The following AP3M2 variants were observed in gnomAD, a reference collection of about 807,000 sequenced individuals.
The protein encoded by AP3M2 is adaptor related protein complex 3 subunit mu 2.
Under a neutral mutation model 41.6 loss-of-function variants are expected in AP3M2, and 28 were observed. That is an observed-to-expected ratio of 0.67 (90% CI 0.50 to 0.92). AP3M2 has a LOEUF of 0.92. Ranked by LOEUF, AP3M2 falls within the 40% of genes least tolerant of loss-of-function variation. The probability of loss-of-function intolerance (pLI) is 0.00; values close to 1 mark genes in which losing one functional copy is unlikely to be tolerated. For missense variants in AP3M2, 427 were observed against 521.4 expected, an observed-to-expected ratio of 0.82 and a Z score of 1.76; for synonymous variants, 193 against 186.4, an observed-to-expected ratio of 1.04 and a Z score of -0.29.
At chr8:42,165,603 A>G in intron 6 of AP3M2, 43 bp downstream of exon 6, 4 of 1,605,064 alleles carry the variant, frequency 2.5e-6, no homozygotes, top group Non-Finnish European at 3.4e-6. Context: ...GTGTATGTAC[A>G]TGTATGTGGA....
Position 42,167,281 on chromosome 8 carries a change from AG to A in AP3M2, c.922del (p.Val308Ter). ...AGACGATGGGGAAGACCATTGAGGG[AG>A]TGACTGTCACCAGCCAGATGCCCAA... is the stretch of plus-strand genomic sequence containing the variant. Reference protein sequence around the residue: ...KQTMGKTIEGVTVTSQMPKGV... With the variant: ...KQTMGKTIEGXTVTSQMPKGV... On this transcript the variant is annotated frameshift_variant, in exon 7 of 9. Coordinates refer to ENST00000396926, the MANE Select transcript of AP3M2 (RefSeq NM_006803.4). LOFTEE classifies it high-confidence loss of function. 6.2e-7 allele frequency: 1 copy of A among 1,614,128 alleles called. No homozygotes were observed. The highest frequency in any genetic ancestry group is 8.5e-7 in the Non-Finnish European group (1 of 1,180,024).
chr8:42,156,937 C>G (rs1269121148), intron 2 of AP3M2, among the ~76,000 whole-genome samples: 1 of 152,098 alleles, frequency 6.6e-6, no homozygotes, highest in African/African-American at 2.4e-5. Context: ...CAAAACAGAG[C>G]TAGGAGGCAA....
chr8:42,163,704 A>G (rs970019175), intron 4 of AP3M2, among the ~76,000 whole-genome samples: 1 of 152,242 alleles, frequency 6.6e-6, no homozygotes, highest in South Asian at 2.1e-4. Flanking sequence ...GTCTAAGGTA[A>G]TAGAAGTCAG....
intron 2 of AP3M2, among the ~76,000 whole-genome samples, chr8:42,157,703 G>A (rs1327109879): frequency 6.6e-6 from 1 of 152,142 alleles, no homozygotes; most frequent in Non-Finnish European, 1.5e-5. Flanking sequence ...AAAGATTTAA[G>A]TTCCTCTTGT....
At position 42,169,864 on chromosome 8, in the gene AP3M2, G is replaced by A. The variant is rs535799605; in HGVS notation, c.*803G>A. ...CTTCTTCCCATGGTGGCTGCCTAAA[G>A]TGCTTCTTTTCTAACCCAAAACAGT... is the stretch of plus-strand genomic sequence containing the variant. On this transcript the variant is annotated 3_prime_UTR_variant, in exon 9 of 9. Transcript: ENST00000396926. 1.3e-4 allele frequency: 20 copies of A among 152,218 alleles called. No individual in the cohort carries two copies. The highest frequency in any genetic ancestry group is 2.6e-4 in the Non-Finnish European group (18 of 68,056). 9.4% of individuals were successfully genotyped at this position (152,218 alleles called of 1,614,324 possible). A position where few individuals can be genotyped will look rare whatever the true frequency, so the allele number is the denominator to read the frequency against.
chr8:42,165,311 T>C, intron 5 of AP3M2, 116 bp from the exon 6 acceptor site: 1 of 1,434,152 alleles, frequency 7.0e-7, no homozygotes, highest in South Asian at 1.3e-5. Context: ...ACTACATGAT[T>C]TCTGTGTGTG....
intron 8 of AP3M2, chr8:42,168,264 G>A (rs973599166): frequency 2.2e-6 from 1 of 456,424 alleles, no homozygotes; most frequent in African/African-American, 2.0e-5. Context: ...GTTCACTATA[G>A]TCTGTGCCGA....
intron 2 of AP3M2, chr8:42,155,849 T>C: frequency 2.7e-6 from 1 of 377,002 alleles, no homozygotes; most frequent in South Asian, 2.0e-5. Flanking sequence ...ACCCACACAC[T>C]ATGATAAAAG....
At chr8:42,166,086 G>A (rs1367276891) in intron 6 of AP3M2, among the ~76,000 whole-genome samples, 4 of 152,272 alleles carry the variant, frequency 2.6e-5, no homozygotes, top group South Asian at 2.1e-4. Context: ...GTCCCTTCCC[G>A]TGTGATGTGG....
intron 4 of AP3M2, 144 bp downstream of exon 4, chr8:42,162,562 A>G (rs968923023): frequency 5.6e-6 from 5 of 887,586 alleles, no homozygotes; most frequent in East Asian, 2.6e-5. Flanking sequence ...TGTGCTGGGT[A>G]CTGGGAATGG....
chr8:42,157,586 T>C (rs947241876), intron 2 of AP3M2, among the ~76,000 whole-genome samples: 1 of 152,134 alleles, frequency 6.6e-6, no homozygotes, highest in Non-Finnish European at 1.5e-5. Flanking sequence ...TTCTTTGTTA[T>C]ATCAAGTATT....
In AP3M2 at chr8:42,169,282, C is replaced by T. The variant is rs975365993; in HGVS notation, c.*221C>T. 3.9e-5 allele frequency: 16 copies of T among 415,330 alleles called. No homozygotes were observed. Among genetic ancestry groups the T allele is most frequent in the Non-Finnish European group, 5.5e-5 (13 of 235,794 alleles). 25.7% of individuals were successfully genotyped at this position (415,330 alleles called of 1,614,324 possible). On this transcript the variant is annotated 3_prime_UTR_variant, in exon 9 of 9. Transcript: ENST00000396926. ...ACACAGCAACACCAGTTCTCAAGGA[C>T]AAGGTGTGTGATGGGGGTAGGAAGC...
chr8:42,158,627 T>C (rs1804423782), intron 3 of AP3M2, among the ~76,000 whole-genome samples: 1 of 152,186 alleles, frequency 6.6e-6, no homozygotes, highest in African/African-American at 2.4e-5. Context: ...CAAAATGAAG[T>C]GTTCTTTAAA....
At chr8:42,167,394 G>A (rs1388318404) in intron 7 of AP3M2, 23 bp downstream of exon 7, 1 of 1,610,942 alleles carries the variant, frequency 6.2e-7, no homozygotes, top group Non-Finnish European at 8.5e-7. Flanking sequence ...AGGACATCTT[G>A]AATTGCTGAT....
At chr8:42,156,468 C>T (rs1475278941) in intron 2 of AP3M2, among the ~76,000 whole-genome samples, 1 of 152,108 alleles carries the variant, frequency 6.6e-6, no homozygotes, top group Non-Finnish European at 1.5e-5. Context: ...GCTCACAGGC[C>T]GGCTGCAGCA....
intron 3 of AP3M2, among the ~76,000 whole-genome samples, chr8:42,161,144 A>C (rs1260234319): frequency 6.6e-6 from 1 of 152,098 alleles, no homozygotes; most frequent in Non-Finnish European, 1.5e-5. Context: ...CTTTACAAAA[A>C]ATACAAAAAT....
chr8:42,163,696 C>T (rs557969193), intron 4 of AP3M2, among the ~76,000 whole-genome samples: 4 of 152,130 alleles, frequency 2.6e-5, no homozygotes, highest in Non-Finnish European at 5.9e-5. Context: ...GCAATTTAGT[C>T]TAAGGTAATA....
At position 42,169,122 on chromosome 8, in the gene AP3M2, TA is replaced by T. The variant is rs997223977; in HGVS notation, c.*70del. ...TTTTCATTTCTTACTTGTCTAAAAG[TA>T]AAAAAAAATATCAGCCTGTCTCCTA... On this transcript the variant is annotated 3_prime_UTR_variant, in exon 9 of 9. Coordinates refer to ENST00000396926, the MANE Select transcript of AP3M2 (RefSeq NM_006803.4). 2,199 of 1,357,456 alleles carry T rather than the reference TA, an allele frequency of 1.6e-3. No individual in the cohort carries two copies. Among genetic ancestry groups the T allele is most frequent in the Admixed American group, 2.3e-3 (109 of 48,004 alleles). 84.1% of individuals were successfully genotyped at this position (1,357,456 alleles called of 1,614,324 possible).
At position 42,170,289 on chromosome 8, in the gene AP3M2, C is replaced by G. The variant is rs1479105933; in HGVS notation, c.*1228C>G. ...TGTATTCATTAATATCTACCAGTCC[C>G]TTTTCATTCTAAGACAAAACATTTC... On this transcript the variant is annotated 3_prime_UTR_variant, in exon 9 of 9. Coordinates refer to ENST00000396926, the MANE Select transcript of AP3M2 (RefSeq NM_006803.4). 1 of 152,204 alleles carries G rather than the reference C, an allele frequency of 6.6e-6. No homozygotes were observed. Among genetic ancestry groups the G allele is most frequent in the Admixed American group, 6.5e-5 (1 of 15,286 alleles). The allele number at this position is 152,204 out of a possible 1,614,324, so 9.4% of individuals were successfully genotyped here.
Sources: allele counts gnomAD v4.1 joint callset (sites outside exome capture counted in the v4.1 genomes callset), GRCh38; gene constraint gnomAD v4.1.1; transcripts MANE v1.5; gene names NCBI Gene and HGNC (gene_info 2026-07-23, HGNC 2026-07-21).